The following NPR3 variants were observed in gnomAD, a reference collection of about 807,000 sequenced individuals.
NPR3 encodes the protein natriuretic peptide receptor 3.
Under a neutral mutation model 54.5 loss-of-function variants are expected in NPR3, and 34 were observed. The ratio of observed to expected loss-of-function variants is 0.62; its 90% CI spans 0.47 to 0.83. The LOEUF (loss-of-function observed/expected upper bound fraction) is 0.83, where lower values mean the gene tolerates loss of function less well. NPR3 is among the 40% of genes least tolerant of loss of function. The pLI, the probability that NPR3 is intolerant of heterozygous loss-of-function variation, is 0.00. For missense variants in NPR3, 674 were observed against 720.8 expected (o/e 0.94, Z 0.74); for synonymous variants, 289 against 297.1 (o/e 0.97, Z 0.28).
At chr5:32,696,430 G>C (rs920438794) in intron 1 of NPR3, among the ~76,000 whole-genome samples, 1 of 151,106 alleles carries the variant, frequency 6.6e-6, no homozygotes, top group Non-Finnish European at 1.5e-5. Context: ...GTCAGGTAAT[G>C]TGATTCTTCC....
At chr5:32,722,569 C>G (rs771469564) in intron 1 of NPR3, among the ~76,000 whole-genome samples, 1 of 152,168 alleles carries the variant, frequency 6.6e-6, no homozygotes, top group Non-Finnish European at 1.5e-5. Context: ...GGACTGAGAG[C>G]CAGACCCTGG....
At chr5:32,699,985 G>GT (rs1211903753) in intron 1 of NPR3, among the ~76,000 whole-genome samples, 1 of 152,154 alleles carries the variant, frequency 6.6e-6, no homozygotes, top group Non-Finnish European at 1.5e-5. Flanking sequence ...TAGTTTAAAA[G>GT]TTTTTTCCTT....
chr5:32,765,601 G>A (rs1741411096), intron 3 of NPR3, among the ~76,000 whole-genome samples: 2 of 152,226 alleles, frequency 1.3e-5, no homozygotes, highest in Non-Finnish European at 2.9e-5. Flanking sequence ...GGGAGCTTGT[G>A]CAGTATCGGG....
intron 3 of NPR3, among the ~76,000 whole-genome samples, chr5:32,750,170 C>T (rs912594591): frequency 2.0e-5 from 3 of 152,198 alleles, no homozygotes; most frequent in African/African-American, 7.2e-5. Context: ...ACTCTGTCAC[C>T]CAGGCTGGAG....
intron 1 of NPR3, among the ~76,000 whole-genome samples, chr5:32,694,555 A>T (rs1740478067): frequency 6.6e-6 from 1 of 152,044 alleles, no homozygotes; most frequent in African/African-American, 2.4e-5. Context: ...TATTTGTCTA[A>T]TTTTTAATTT....
intron 3 of NPR3, among the ~76,000 whole-genome samples, chr5:32,754,787 A>G (rs989810385): frequency 2.6e-5 from 4 of 152,204 alleles, no homozygotes; most frequent in African/African-American, 9.6e-5. Flanking sequence ...TTCTACCCAG[A>G]TATCTCTATG....
chr5:32,764,815 A>AAAAAAAAAAAAAG (rs1741367585), intron 3 of NPR3, among the ~76,000 whole-genome samples: 2 of 146,780 alleles, frequency 1.4e-5, no homozygotes, highest in African/African-American at 5.1e-5. Flanking sequence ...AAAAAAAAAA[A>AAAAAAAAAAAAAG]AGAATTTGTC....
chr5:32,714,330 C>T (rs956951409), intron 1 of NPR3, among the ~76,000 whole-genome samples: 1 of 151,708 alleles, frequency 6.6e-6, no homozygotes, highest in African/African-American at 2.4e-5. Flanking sequence ...CAGATCGCGG[C>T]CCCGGGGCCC....
At chr5:32,726,813 A>T (rs979710583) in intron 2 of NPR3, among the ~76,000 whole-genome samples, 11 of 152,354 alleles carry the variant, frequency 7.2e-5, no homozygotes, top group Admixed American at 2.0e-4. Flanking sequence ...AGACAAAAGT[A>T]CACTGATAAT....
At chr5:32,780,875 T>C (rs529120998) in intron 5 of NPR3, 59 bp downstream of exon 5, 111 of 790,688 alleles carry the variant, frequency 1.4e-4, no homozygotes, top group Non-Finnish European at 2.2e-4. Flanking sequence ...CTCTGAGGAA[T>C]GCATTTGTTC....
Position 32,780,725 on chromosome 5 carries a change from T to A in NPR3, c.1199T>A (p.Ile400Asn). ...QQTWNRTFEG[I>N]AGQVSIDANG... is the part of the protein sequence containing the mutation. Reference sequence around the variant, plus strand: ...TTCTTCGCTTCTGGTCCTGTAGGTATCGCCGGGCAGGTGTCCATAGATGCC... The same window carrying A: ...TTCTTCGCTTCTGGTCCTGTAGGTAACGCCGGGCAGGTGTCCATAGATGCC... The change falls in exon 5 of 8, where the codon ATC becomes AAC. Residue 400 changes from isoleucine (I) to asparagine (N), a missense_variant. Transcript: ENST00000265074. The A allele has an allele frequency of 6.8e-7, 1 of 1,477,856 alleles. No homozygotes were observed. 91.5% of individuals were successfully genotyped at this position (1,477,856 alleles called of 1,614,324 possible). A position where few individuals can be genotyped will look rare whatever the true frequency, so the allele number is the denominator to read the frequency against.
At chr5:32,717,459 A>G (rs914319809) in intron 1 of NPR3, among the ~76,000 whole-genome samples, 1 of 152,216 alleles carries the variant, frequency 6.6e-6, no homozygotes, top group African/African-American at 2.4e-5. Context: ...ACTATAATTT[A>G]CACTCCCACC....
rs1298456760 is a variant in NPR3, at chr5:32,782,953, C to A, written c.1351C>A (p.Pro451Thr). 1 of 1,610,052 alleles carries A rather than the reference C, an allele frequency of 6.2e-7. No homozygotes were observed. Among genetic ancestry groups the A allele is most frequent in the East Asian group, 2.2e-5 (1 of 44,790 alleles). The stretch of plus-strand genomic sequence containing the variant: ...TGAAATGCGGCCGAATGTCAAATAT[C>A]CTTGGGGCCCTTTAAAACTGAGAAT... ...RFEMRPNVKY[P>T]WGPLKLRIDE... Residue 451 changes from proline to threonine, a missense_variant, in exon 6 of 8, where the codon CCT (proline) becomes ACT (threonine). Transcript: ENST00000265074.
intron 1 of NPR3, among the ~76,000 whole-genome samples, chr5:32,701,270 A>G (rs1737789751): frequency 6.6e-6 from 1 of 152,056 alleles, no homozygotes; most frequent in Non-Finnish European, 1.5e-5. Flanking sequence ...TTTCTTCTGC[A>G]TGATCACTTC....
chr5:32,721,988 C>A (rs911230853), intron 1 of NPR3, among the ~76,000 whole-genome samples: 1 of 152,164 alleles, frequency 6.6e-6, no homozygotes, highest in African/African-American at 2.4e-5. Flanking sequence ...AACCTGGTGA[C>A]CTTATCTAAT....
upstream of NPR3, among the ~76,000 whole-genome samples, chr5:32,705,667 G>A (rs114504430): frequency 2.0e-5 from 3 of 152,146 alleles, no homozygotes; most frequent in Non-Finnish European, 2.9e-5. Context: ...AACTGCCCCC[G>A]TGACCCAATC....
chr5:32,765,961 A>G (rs1741427740), intron 3 of NPR3, among the ~76,000 whole-genome samples: 1 of 152,140 alleles, frequency 6.6e-6, no homozygotes, highest in African/African-American at 2.4e-5. Flanking sequence ...AAGTTACCAG[A>G]GCCTGCAAGG....
chr5:32,782,784 A>G, intron 5 of NPR3, 109 bp from the exon 6 acceptor site: 1 of 1,083,764 alleles, frequency 9.2e-7, no homozygotes, highest in South Asian at 1.7e-5. Flanking sequence ...GCCCAGAGGC[A>G]GCCAGTTTAG....
rs564501576 is a variant in NPR3 at position 32,750,276 on chromosome 5, C to T, written c.1059+11246C>T. On this transcript the variant is annotated intron_variant, in intron 3 of 7. Coordinates refer to ENST00000265074, the MANE Select transcript of NPR3 (RefSeq NM_001204375.2). ...CCCGTGTAGCTGGGACTACACGCGC[C>T]GGCTACCACGCATGGCTAATGGCTA... Among the ~76,000 whole-genome samples the T allele has an allele frequency of 5.9e-4, 90 of 152,206 alleles. 1 individual carries two copies. The highest frequency in any genetic ancestry group is 1.8e-3 in the African/African-American group (75 of 41,524).
Sources: allele counts gnomAD v4.1 joint callset (sites outside exome capture counted in the v4.1 genomes callset), GRCh38; gene constraint gnomAD v4.1.1; transcripts MANE v1.5; gene names NCBI Gene and HGNC (gene_info 2026-07-23, HGNC 2026-07-21).